Variants in EP400 observed in about 807,000 individuals in gnomAD.
EP400 encodes E1A-binding protein p400.
A neutral mutation model predicts 354.1 loss-of-function variants in EP400; 105 were observed. The observed-to-expected ratio is 0.30, with a 90% CI of 0.25 to 0.35. The LOEUF (loss-of-function observed/expected upper bound fraction) is 0.35, where lower values mean the gene tolerates loss of function less well. Among genes scored for constraint, EP400 ranks in the 10% least tolerant of loss-of-function variants. EP400 has a pLI of 1.00. For synonymous variants in EP400, 1,646 were observed against 1,716.9 expected (o/e 0.96, Z 1.02); for missense variants, 3,280 against 4,121.0 (o/e 0.80, Z 5.59).
chr12:131,993,415 T>C (rs1325558319), intron 11 of EP400, among the ~76,000 whole-genome samples: 1 of 152,176 alleles, frequency 6.6e-6, no homozygotes, highest in East Asian at 1.9e-4. Flanking sequence ...CAGAGTACAG[T>C]AGGTTTGTGT....
intron 2 of EP400, among the ~76,000 whole-genome samples, chr12:131,968,589 C>G (rs986123638): frequency 6.6e-6 from 1 of 152,120 alleles, no homozygotes; most frequent in Non-Finnish European, 1.5e-5. Context: ...TTAGAATGAG[C>G]TTGTTGATAT....
Position 132,050,495 on chromosome 12 carries a change from G to T in EP400, c.7337+36G>T. ...TGAGTGCTCATTTTATGTTCATTAT[G>T]ACTGAGTAGATTGCGTGAAGCTTGG... is the stretch of plus-strand genomic sequence containing the variant. On this transcript the variant is annotated intron_variant, in intron 40 of 52. Coordinates refer to ENST00000389561, the MANE Select transcript of EP400 (RefSeq NM_015409.5). This position sits in a 1 kb window ranked among gnomAD's most constrained non-coding sequence, Gnocchi z 4.8. The T allele has an allele frequency of 6.2e-7, 1 of 1,613,508 alleles. No individual in the cohort carries two copies. The highest frequency in any genetic ancestry group is 1.1e-5 in the South Asian group (1 of 91,042).
chr12:132,039,059 C>T (rs1003221678), intron 32 of EP400, among the ~76,000 whole-genome samples: 7 of 152,202 alleles, frequency 4.6e-5, no homozygotes, highest in East Asian at 1.9e-4. Flanking sequence ...AGCACCTGTC[C>T]GCCGACACCC....
At chr12:131,973,318 TA>T (rs1007500271) in intron 2 of EP400, among the ~76,000 whole-genome samples, 8 of 152,218 alleles carry the variant, frequency 5.3e-5, no homozygotes, top group Non-Finnish European at 8.8e-5. Flanking sequence ...TGTGTTTAGC[TA>T]AAAGTGCTGC....
intron 10 of EP400, among the ~76,000 whole-genome samples, 200 bp downstream of exon 10, chr12:131,991,656 C>T (rs1893038613): frequency 6.6e-6 from 1 of 151,204 alleles, no homozygotes; most frequent in Admixed American, 6.6e-5. Flanking sequence ...TCTCAGCTCA[C>T]TGCAACCTCT....
At position 131,960,787 on chromosome 12, in the gene EP400, T is replaced by C. The variant is rs1182742555; in HGVS notation, c.168T>C (p.Tyr56=). 3 of 1,592,966 alleles carry C rather than the reference T, an allele frequency of 1.9e-6. No homozygotes were observed. The highest frequency in any genetic ancestry group is 1.7e-5 in the Admixed American group (1 of 58,922). ...ASPSAPQSPS[Y]QIQQLMNRSP... ...CGTCGGCACCCCAGTCTCCCAGTTA[T>C]CAAATACAGCAGCTGATGAATAGGA... Residue 56 remains tyrosine, a synonymous_variant, in exon 2 of 53, where the codon TAT becomes TAC. Transcript: ENST00000389561.
At chr12:132,003,851 CA>C (rs1383658641) in intron 12 of EP400, among the ~76,000 whole-genome samples, 1 of 152,208 alleles carries the variant, frequency 6.6e-6, no homozygotes, top group African/African-American at 2.4e-5. Flanking sequence ...CAAATGAATT[CA>C]AAAAGTGTTT....
chr12:131,992,275 G>T, intron 11 of EP400, 45 bp downstream of exon 11: 1 of 1,564,092 alleles, frequency 6.4e-7, no homozygotes, highest in Admixed American at 1.7e-5. Context: ...CAGGGCTGCT[G>T]ATGAGATGAC....
chr12:132,017,118 C>T lies in EP400; in HGVS notation c.3924-417C>T, dbSNP rs963259665. On this transcript the variant is annotated intron_variant, in intron 19 of 52. Transcript: ENST00000389561. The surrounding 1 kb of genome is among the most constrained non-coding windows in gnomAD (Gnocchi z 5.0). Reference sequence around the variant, plus strand: ...CGCACAGGGCATGGACCTGGGTCCTCGTCTACCCCCGCTCACTGCCTGCAG... The same window carrying T: ...CGCACAGGGCATGGACCTGGGTCCTTGTCTACCCCCGCTCACTGCCTGCAG... Among the ~76,000 whole-genome samples the T allele has an allele frequency of 4.6e-5, 7 of 152,218 alleles. No homozygotes were observed. The highest frequency in any genetic ancestry group is 1.3e-4 in the Admixed American group (2 of 15,288).
chr12:131,996,031 T>C lies in EP400; in HGVS notation c.2827+1075T>C, dbSNP rs143203340. ...ACCACAGTTTGATGGGCTTGCTCTC[T>C]CTACTCAGCCTGGATGTCCTGAGTT... On this transcript the variant is annotated intron_variant, in intron 12 of 52. Transcript: ENST00000389561. 4.9e-3 allele frequency among the ~76,000 whole-genome samples: 741 copies of C among 152,364 alleles called. 5 individuals carry two copies. The highest frequency in any genetic ancestry group is 0.017 in the African/African-American group (702 of 41,582).
At chr12:132,014,865 C>T (rs1893875486) in intron 19 of EP400, among the ~76,000 whole-genome samples, 1 of 152,232 alleles carries the variant, frequency 6.6e-6, no homozygotes, top group South Asian at 2.1e-4. Flanking sequence ...GGCCGTGGCA[C>T]AGCAGACTGT....
chr12:131,965,007 G>C (rs1409053321), intron 2 of EP400, among the ~76,000 whole-genome samples: 1 of 152,210 alleles, frequency 6.6e-6, no homozygotes, highest in Non-Finnish European at 1.5e-5. Flanking sequence ...CCTGGGCCTG[G>C]GCGTTAAAAA....
In EP400 at chr12:132,066,842, G is replaced by C; in HGVS notation, c.8622G>C (p.Gln2874His). The C allele has an allele frequency of 6.2e-7, 1 of 1,614,054 alleles. No homozygotes were observed. Among genetic ancestry groups the C allele is most frequent in the Non-Finnish European group, 8.5e-7 (1 of 1,179,980 alleles). Reference sequence around the variant, plus strand: ...AGACCCAGGCACCCCAGCCAGCCCAGGTGGCCTTGGCGAAGCCTCCGGTGG... The same window carrying C: ...AGACCCAGGCACCCCAGCCAGCCCACGTGGCCTTGGCGAAGCCTCCGGTGG... ...QMQTQAPQPA[Q>H]VALAKPPVVS... The change falls in exon 49 of 53, where the codon CAG (glutamine) becomes CAC (histidine). Residue 2874 changes from glutamine to histidine, a missense_variant. By Grantham distance (24) the Gln-to-His change is conservative. This residue lies in a region of EP400 where 279 missense variants were observed against 386.7 expected (regional missense o/e 0.72). Transcript: ENST00000389561.
At chr12:131,963,128 C>T (rs191157661) in intron 2 of EP400, among the ~76,000 whole-genome samples, 324 of 152,270 alleles carry the variant, frequency 2.1e-3, no homozygotes, top group Non-Finnish European at 3.7e-3. Context: ...CTTACCTGTG[C>T]TTAGAAAGAA....
At chr12:131,955,261 G>T (rs1345909482) in intron 1 of EP400, among the ~76,000 whole-genome samples, 1 of 151,958 alleles carries the variant, frequency 6.6e-6, no homozygotes, top group Non-Finnish European at 1.5e-5. Flanking sequence ...TAAAATTGAA[G>T]TATAATTTAC....
At chr12:132,022,473 A>G (rs1894150902) in intron 23 of EP400, among the ~76,000 whole-genome samples, 1 of 152,086 alleles carries the variant, frequency 6.6e-6, no homozygotes, top group South Asian at 2.1e-4. Context: ...TTATCATATC[A>G]CTAATAATTC....
At chr12:132,041,365 T>TGGA (rs994279175) in intron 32 of EP400, among the ~76,000 whole-genome samples, 5 of 152,176 alleles carry the variant, frequency 3.3e-5, no homozygotes, top group Non-Finnish European at 4.4e-5. Flanking sequence ...CAGCATCTGG[T>TGGA]GGAGGAGGAG....
intron 45 of EP400, among the ~76,000 whole-genome samples, chr12:132,055,703 GGT>G (rs372491957): frequency 3.1e-4 from 39 of 124,420 alleles, no homozygotes; most frequent in Non-Finnish European, 5.1e-4. Context: ...GAAGTGTAGG[GGT>G]GTGTGTGTGT....
Position 131,986,549 on chromosome 12 carries a change from C to A in EP400, c.1965C>A (p.Ala655=), listed in dbSNP as rs780667916. Residue 655 remains alanine (A), a synonymous_variant, in exon 6 of 53, where the codon GCC becomes GCA. Coordinates refer to ENST00000389561, the MANE Select transcript of EP400 (RefSeq NM_015409.5). ...VASTRLPVDP[A]PPCPRPLPTS... Reference sequence around the variant, plus strand: ...CGACAAGGCTCCCTGTGGACCCTGCCCCGCCCTGCCCACGGCCTCTGCCCA... The same window carrying A: ...CGACAAGGCTCCCTGTGGACCCTGCACCGCCCTGCCCACGGCCTCTGCCCA... 1 of 1,612,652 alleles carries A rather than the reference C, an allele frequency of 6.2e-7. No individual in the cohort carries two copies. The highest frequency in any genetic ancestry group is 1.1e-5 in the South Asian group (1 of 90,908).
Sources: gnomAD v4.1 joint callset for allele counts (sites outside exome capture counted in the v4.1 genomes callset) on GRCh38, gnomAD v4.1.1 for gene constraint, gnomAD v4.1.1 regional missense constraint, Gnocchi (gnomAD v3.1) non-coding constraint, MANE v1.5 for transcripts, NCBI Gene and HGNC (gene_info 2026-07-23, HGNC 2026-07-21) for gene names.